The following PTPN12 variants were observed in gnomAD, a reference collection of about 807,000 sequenced individuals.
PTPN12 encodes protein tyrosine phosphatase non-receptor type 12.
Under a neutral mutation model 97.6 loss-of-function variants are expected in PTPN12, and 29 were observed. The ratio of observed to expected loss-of-function variants is 0.30; its 90% CI spans 0.22 to 0.41. The LOEUF (loss-of-function observed/expected upper bound fraction) is 0.41. Among genes scored for constraint, PTPN12 ranks in the 10% least tolerant of loss-of-function variants. The pLI, the probability that PTPN12 is intolerant of heterozygous loss-of-function variation, is 1.00. For missense variants in PTPN12, 819 were observed against 926.0 expected, an observed-to-expected ratio of 0.88 and a Z score of 1.50; for synonymous variants, 327 against 300.4, an observed-to-expected ratio of 1.09 and a Z score of -0.91.
At chr7:77,555,902 G>A (rs1807689171) in intron 1 of PTPN12, among the ~76,000 whole-genome samples, 1 of 151,608 alleles carries the variant, frequency 6.6e-6, no homozygotes, top group South Asian at 2.1e-4. Flanking sequence ...GCGACAGGGC[G>A]AGACTCCGTC....
chr7:77,594,362 C>T (rs1000873811), intron 6 of PTPN12, among the ~76,000 whole-genome samples: 4 of 152,270 alleles, frequency 2.6e-5, no homozygotes, highest in African/African-American at 9.6e-5. Context: ...ACCCAATACA[C>T]ACCACACTGT....
At chr7:77,539,609 T>TTTGG (rs375902180) in intron 1 of PTPN12, among the ~76,000 whole-genome samples, 3,017 of 152,126 alleles carry the variant, frequency 0.02, 42 homozygotes, top group Middle Eastern at 0.075. Context: ...GGTTTTGTTG[T>TTTGG]TTGGTTGGTT....
At chr7:77,568,960 A>G (rs1267166891) in intron 1 of PTPN12, among the ~76,000 whole-genome samples, 5 of 152,238 alleles carry the variant, frequency 3.3e-5, no homozygotes, top group Non-Finnish European at 7.3e-5. Context: ...CAAGATGCGT[A>G]TATAAGTAAC....
chr7:77,567,039 G>A (rs1554313555), intron 1 of PTPN12, among the ~76,000 whole-genome samples: 3 of 151,362 alleles, frequency 2.0e-5, no homozygotes, highest in African/African-American at 7.3e-5. Context: ...GAATTTTTTT[G>A]TTTCTTTCTT....
intron 1 of PTPN12, among the ~76,000 whole-genome samples, chr7:77,541,223 C>T (rs1806958775): frequency 6.6e-6 from 1 of 152,152 alleles, no homozygotes; most frequent in South Asian, 2.1e-4. Context: ...TCCAGAGTAG[C>T]TGGGGCTATG....
At chr7:77,617,516 T>C (rs1325044926) in intron 11 of PTPN12, among the ~76,000 whole-genome samples, 1 of 152,218 alleles carries the variant, frequency 6.6e-6, no homozygotes, top group Non-Finnish European at 1.5e-5. Flanking sequence ...CAAGCTGTCA[T>C]GATGGACATA....
chr7:77,567,355 G>A (rs976280614), intron 1 of PTPN12, among the ~76,000 whole-genome samples: 7 of 152,014 alleles, frequency 4.6e-5, no homozygotes, highest in African/African-American at 1.4e-4. Flanking sequence ...TACATATAAA[G>A]GTAAAACAAT....
chr7:77,549,623 C>T (rs2151299370), intron 1 of PTPN12, among the ~76,000 whole-genome samples: 1 of 151,312 alleles, frequency 6.6e-6, no homozygotes, highest in East Asian at 1.9e-4. Flanking sequence ...CTTTGTCACA[C>T]AGGCTGGAGT....
At position 77,607,320 on chromosome 7, in the gene PTPN12, A is replaced by G. The variant is rs1354431679; in HGVS notation, c.762+19A>G. Reference sequence around the variant, plus strand: ...AGCTGGGGTAAGAATAATTTTTTGTAGCATTATGTTCAATTGATCTATTAT... The same window carrying G: ...AGCTGGGGTAAGAATAATTTTTTGTGGCATTATGTTCAATTGATCTATTAT... On this transcript the variant is annotated intron_variant, in intron 9 of 17. Transcript: ENST00000248594. 1 of 1,537,894 alleles carries G rather than the reference A, an allele frequency of 6.5e-7. No individual in the cohort carries two copies. Among genetic ancestry groups the G allele is most frequent in the Non-Finnish European group, 9.0e-7 (1 of 1,111,794 alleles).
chr7:77,591,083 T>C (rs1787853848), intron 5 of PTPN12, among the ~76,000 whole-genome samples: 1 of 152,172 alleles, frequency 6.6e-6, no homozygotes, highest in South Asian at 2.1e-4. Flanking sequence ...AAACATCTCT[T>C]GGAAAATGAG....
chr7:77,597,545 T>G (rs760151833), intron 6 of PTPN12, among the ~76,000 whole-genome samples: 10 of 152,220 alleles, frequency 6.6e-5, no homozygotes, highest in Non-Finnish European at 1.3e-4. Flanking sequence ...TTTTTTCCTT[T>G]TATTATTTTT....
Position 77,624,094 on chromosome 7 carries a change from A to T in PTPN12, c.1026-2611A>T, listed in dbSNP as rs138583989. Among the ~76,000 whole-genome samples the T allele has an allele frequency of 2.0e-3, 311 of 152,056 alleles. 4 individuals are homozygous for T. Among genetic ancestry groups the T allele is most frequent in the African/African-American group, 7.2e-3 (298 of 41,478 alleles). On this transcript the variant is annotated intron_variant, in intron 12 of 17. Transcript: ENST00000248594. ...TGGGCAACATGAACATGGCAAAACC[A>T]CATCTCTACAAAAAATACAAAACTT...
intron 9 of PTPN12, among the ~76,000 whole-genome samples, chr7:77,608,810 A>C (rs1437258005): frequency 6.6e-6 from 1 of 152,232 alleles, no homozygotes; most frequent in Non-Finnish European, 1.5e-5. Context: ...TTAAGTGAAC[A>C]AAATTTAACT....
chr7:77,583,613 T>A lies in PTPN12; in HGVS notation c.344T>A (p.Ile115Lys). The A allele has an allele frequency of 6.2e-7, 1 of 1,610,646 alleles. No individual in the cohort carries two copies. Among genetic ancestry groups the A allele is most frequent in the Non-Finnish European group, 8.5e-7 (1 of 1,178,104 alleles). Reference protein sequence around the residue: ...ATQGPLANTVIDFWRMIWEYN... With the variant: ...ATQGPLANTVKDFWRMIWEYN... ...CAAGGACCTTTAGCAAATACAGTAA[T>A]AGATTTTTGGAGGATGATATGGGAG... Residue 115 changes from isoleucine to lysine, a missense_variant, in exon 4 of 18, where the codon ATA becomes AAA. Transcript: ENST00000248594.
chr7:77,605,800 G>A (rs368402634), intron 8 of PTPN12, among the ~76,000 whole-genome samples: 266 of 152,082 alleles, frequency 1.7e-3, no homozygotes, highest in Non-Finnish European at 3.2e-3. Flanking sequence ...GGATATGAGA[G>A]CATATCATTG....
rs370561714 is a variant in PTPN12 at position 77,592,231 on chromosome 7, C to T, written c.467C>T (p.Thr156Met). The change falls in exon 6 of 18, where the codon ACG (threonine) becomes ATG (methionine). Residue 156 changes from threonine to methionine, a missense_variant. Thr to Met is a moderately conservative substitution (Grantham distance 81, BLOSUM62 -1). Transcript: ENST00000248594. The part of the protein sequence containing the change: ...YWPLYGEDPI[T>M]FAPFKISCED... ...CCTTTGTATGGAGAAGACCCCATAA[C>T]GTTTGCACCATTTAAAATTTCTTGT... 19 of 1,604,046 alleles carry T rather than the reference C, an allele frequency of 1.2e-5. No individual in the cohort carries two copies. The African/African-American group carries it at 1.8e-4, about 15-fold the overall frequency.
chr7:77,548,652 C>T lies in PTPN12; in HGVS notation c.99+11007C>T, dbSNP rs942817923. 3.9e-5 allele frequency among the ~76,000 whole-genome samples: 6 copies of T among 152,270 alleles called. No homozygotes were observed. In the South Asian group the frequency reaches 1.2e-3, roughly 32 times the overall value. On this transcript the variant is annotated intron_variant, in intron 1 of 17. Coordinates refer to ENST00000248594, the MANE Select transcript of PTPN12 (RefSeq NM_002835.4). ...GGAAAAAGTCAATAAAGCCCCACTT[C>T]CTACCCCCCTAGAGTAGAGCATAAA...
chr7:77,612,738 C>T (rs1334739413), intron 11 of PTPN12, among the ~76,000 whole-genome samples: 8 of 149,344 alleles, frequency 5.4e-5, no homozygotes, highest in Non-Finnish European at 1.0e-4. Context: ...CGCCCGGCCT[C>T]GAATGTGTTT....
At chr7:77,609,368 T>C (rs1458306016) in intron 9 of PTPN12, among the ~76,000 whole-genome samples, 4 of 145,480 alleles carry the variant, frequency 2.7e-5, no homozygotes, top group Non-Finnish European at 6.0e-5. Context: ...GACTCTCAGG[T>C]TCAAGCGATT....
Sources: allele counts gnomAD v4.1 joint callset (sites outside exome capture counted in the v4.1 genomes callset), GRCh38; gene constraint gnomAD v4.1.1; transcripts MANE v1.5; gene names NCBI Gene and HGNC (gene_info 2026-07-23, HGNC 2026-07-21).